SSBP2: variants seen among roughly 807,000 people sequenced by gnomAD.
The protein encoded by SSBP2 is single stranded DNA binding protein 2.
A neutral mutation model predicts 61.8 loss-of-function variants in SSBP2; 17 were observed. That is an observed-to-expected ratio of 0.28 (90% CI 0.19 to 0.41). The LOEUF (loss-of-function observed/expected upper bound fraction) is 0.41. Among genes scored for constraint, SSBP2 ranks in the 10% least tolerant of loss-of-function variants. The pLI, the probability that SSBP2 is intolerant of heterozygous loss-of-function variation, is 1.00. For missense variants in SSBP2, 310 were observed against 458.7 expected, an observed-to-expected ratio of 0.68 and a Z score of 2.96; for synonymous variants, 139 against 141.3, an observed-to-expected ratio of 0.98 and a Z score of 0.12.
intron 1 of SSBP2, among the ~76,000 whole-genome samples, chr5:81,727,421 T>G (rs980054674): frequency 2.0e-5 from 3 of 152,024 alleles, no homozygotes; most frequent in Non-Finnish European, 4.4e-5. Context: ...TGGTGGCACA[T>G]GCCTGTAATC....
chr5:81,577,929 T>C (rs1010010232), intron 4 of SSBP2, among the ~76,000 whole-genome samples: 3 of 152,122 alleles, frequency 2.0e-5, no homozygotes, highest in Middle Eastern at 3.4e-3. Flanking sequence ...ACTAAACACA[T>C]TACATGAATC....
At chr5:81,573,474 C>G (rs1773977483) in intron 4 of SSBP2, among the ~76,000 whole-genome samples, 1 of 152,164 alleles carries the variant, frequency 6.6e-6, no homozygotes, top group Admixed American at 6.5e-5. Flanking sequence ...GAACATAAAA[C>G]CTGGTATGGT....
In SSBP2 at chr5:81,468,766, TCTC is replaced by T. The variant is rs929263063; in HGVS notation, c.571-1728_571-1726del. Among the ~76,000 whole-genome samples the T allele has an allele frequency of 3.0e-4, 46 of 152,124 alleles. No individual in the cohort carries two copies. In the Middle Eastern group the frequency reaches 0.01, roughly 34 times the overall value. Reference sequence around the variant, plus strand: ...ATGACATTACCTAGTTACATGCTATTCTCATTGTTTATTTACTTTTACTTTAAG... The same window carrying T: ...ATGACATTACCTAGTTACATGCTATTATTGTTTATTTACTTTTACTTTAAG... On this transcript the variant is annotated intron_variant, in intron 8 of 16. Transcript: ENST00000320672.
intron 5 of SSBP2, among the ~76,000 whole-genome samples, chr5:81,510,353 T>C (rs1312149521): frequency 1.3e-5 from 2 of 152,214 alleles, no homozygotes; most frequent in Non-Finnish European, 2.9e-5. Context: ...ACTAGAATTA[T>C]TATCCTTGAA....
At chr5:81,454,384 CA>C (rs1763986026) in intron 10 of SSBP2, among the ~76,000 whole-genome samples, 1 of 152,102 alleles carries the variant, frequency 6.6e-6, no homozygotes, top group African/African-American at 2.4e-5. Flanking sequence ...AGAAATAGAA[CA>C]AAGAGATAGA....
chr5:81,751,464 T>C (rs766588606), upstream of SSBP2, among the ~76,000 whole-genome samples: 1 of 151,738 alleles, frequency 6.6e-6, no homozygotes, highest in African/African-American at 2.4e-5. Flanking sequence ...CGCGCTCAGC[T>C]CCTCACTGGA....
intron 4 of SSBP2, among the ~76,000 whole-genome samples, chr5:81,539,312 G>A (rs767802091): frequency 6.6e-6 from 1 of 152,166 alleles, no homozygotes; most frequent in Admixed American, 6.5e-5. Context: ...CCAATCTCAC[G>A]ATATCAAACT....
chr5:81,488,528 G>A lies in SSBP2; in HGVS notation c.432+722C>T, dbSNP rs533921163. 9.2e-5 allele frequency among the ~76,000 whole-genome samples: 14 copies of A among 151,862 alleles called. No individual in the cohort carries two copies. The South Asian group carries it at 2.9e-3, about 32-fold the overall frequency. Reference sequence around the variant, plus strand: ...TGTTGGCCATTTTTATATCTTCTTTGGAAAACACCAATTCAGGTCCTTTGC... The same window carrying A: ...TGTTGGCCATTTTTATATCTTCTTTAGAAAACACCAATTCAGGTCCTTTGC... On this transcript the variant is annotated intron_variant, in intron 6 of 16. Transcript: ENST00000320672.
At position 81,531,966 on chromosome 5, in the gene SSBP2, T is replaced by G. The variant is rs140938488; in HGVS notation, c.283-18249A>C. Among the ~76,000 whole-genome samples the G allele has an allele frequency of 4.5e-3, 681 of 152,220 alleles. 6 individuals are homozygous for G. The highest frequency in any genetic ancestry group is 0.016 in the African/African-American group (647 of 41,562). ...GTGTATCCATGCATCTCATTCCAAA[T>G]GTTCTCAGTTTTCTCTGTCAAGAGA... On this transcript the variant is annotated intron_variant, in intron 4 of 16. Transcript: ENST00000320672.
intron 4 of SSBP2, among the ~76,000 whole-genome samples, chr5:81,572,427 A>G (rs899225072): frequency 6.6e-6 from 1 of 152,204 alleles, no homozygotes; most frequent in Non-Finnish European, 1.5e-5. Context: ...CATGCCAAAA[A>G]ACATTCTGAC....
chr5:81,695,885 G>A (rs182669734), intron 1 of SSBP2, among the ~76,000 whole-genome samples: 1 of 151,972 alleles, frequency 6.6e-6, no homozygotes, highest in Non-Finnish European at 1.5e-5. Flanking sequence ...ATCTTGAAAA[G>A]ATTTCAAAGA....
intron 5 of SSBP2, among the ~76,000 whole-genome samples, chr5:81,491,056 T>A (rs1766819575): frequency 6.6e-6 from 1 of 152,230 alleles, no homozygotes; most frequent in Admixed American, 6.5e-5. Flanking sequence ...ATTCACACTC[T>A]CTCTGTTATT....
At chr5:81,728,758 T>C (rs1756062375) in intron 1 of SSBP2, among the ~76,000 whole-genome samples, 1 of 152,244 alleles carries the variant, frequency 6.6e-6, no homozygotes, top group African/African-American at 2.4e-5. Context: ...GCTCCAAGCA[T>C]GAATTAACTT....
At chr5:81,572,984 T>G (rs1452192680) in intron 4 of SSBP2, among the ~76,000 whole-genome samples, 1 of 152,224 alleles carries the variant, frequency 6.6e-6, no homozygotes, top group African/African-American at 2.4e-5. Flanking sequence ...AGTGCTCATA[T>G]CCTATAATTA....
At position 81,418,731 on chromosome 5, in the gene SSBP2, T is replaced by C. The variant is rs943284906; in HGVS notation, c.*1773A>G. On this transcript the variant is annotated 3_prime_UTR_variant, in exon 17 of 17. Coordinates refer to ENST00000320672, the MANE Select transcript of SSBP2 (RefSeq NM_012446.5). ...ACCAAAGGCAACTGTAATACAATGG[T>C]ATTTGTGTATCTAAGCATAGAAAAG... 2.0e-5 allele frequency: 3 copies of C among 152,204 alleles called. No homozygotes were observed. The highest frequency in any genetic ancestry group is 4.4e-5 in the Non-Finnish European group (3 of 68,024). The allele number at this position is 152,204 out of a possible 1,614,324, so 9.4% of individuals were successfully genotyped here. A position where few individuals can be genotyped will look rare whatever the true frequency, so the allele number is the denominator to read the frequency against.
chr5:81,691,771 A>G (rs183484882), intron 1 of SSBP2, among the ~76,000 whole-genome samples: 35 of 152,306 alleles, frequency 2.3e-4, no homozygotes, highest in African/African-American at 7.9e-4. Flanking sequence ...AAAGAAAACT[A>G]CAAGCCAATA....
At chr5:81,497,313 G>T (rs1000251054) in intron 5 of SSBP2, among the ~76,000 whole-genome samples, 5 of 152,130 alleles carry the variant, frequency 3.3e-5, no homozygotes, top group African/African-American at 7.2e-5. Flanking sequence ...CATGAAGAAT[G>T]GAAGAAAGCA....
chr5:81,463,735 C>T (rs1764696174), intron 9 of SSBP2, among the ~76,000 whole-genome samples: 3 of 144,542 alleles, frequency 2.1e-5, no homozygotes, highest in Non-Finnish European at 3.0e-5. Context: ...AAATCAACCA[C>T]TATTACCAAA....
At chr5:81,483,414 G>A (rs944513623) in intron 6 of SSBP2, among the ~76,000 whole-genome samples, 1 of 151,978 alleles carries the variant, frequency 6.6e-6, no homozygotes, top group Non-Finnish European at 1.5e-5. Context: ...CTGAAAAAAT[G>A]GTGAATTTCT....
Sources: gnomAD v4.1 joint callset for allele counts (sites outside exome capture counted in the v4.1 genomes callset) on GRCh38, gnomAD v4.1.1 for gene constraint, MANE v1.5 for transcripts, NCBI Gene and HGNC (gene_info 2026-07-23, HGNC 2026-07-21) for gene names.